Variants in BTBD16 observed in about 807,000 individuals in gnomAD.
BTBD16 encodes the protein BTB domain containing 16.
In BTBD16, 66 loss-of-function variants were observed where a neutral mutation model predicts 67.4. The observed-to-expected ratio is 0.98, with a 90% CI of 0.80 to 1.20. The LOEUF is 1.20. BTBD16 is among the 50% of genes most tolerant of loss of function. The pLI, the probability that BTBD16 is intolerant of heterozygous loss-of-function variation, is 0.00. For missense variants in BTBD16, 634 were observed against 616.0 expected (o/e 1.03, Z -0.31); for synonymous variants, 242 against 236.4 (o/e 1.02, Z -0.22).
At chr10:122,278,001 G>A (rs1046867039) in intron 3 of BTBD16, among the ~76,000 whole-genome samples, 8 of 152,200 alleles carry the variant, frequency 5.3e-5, no homozygotes, top group Non-Finnish European at 1.2e-4. Context: ...GACAGCACCT[G>A]GCACAGAAGA....
intron 14 of BTBD16, among the ~76,000 whole-genome samples, chr10:122,335,487 A>G (rs978972347): frequency 2.0e-5 from 3 of 152,218 alleles, no homozygotes; most frequent in Non-Finnish European, 4.4e-5. Context: ...TTAGGAGTGG[A>G]GAGTCCGCAG....
At chr10:122,297,311 A>T (rs2096385165) in intron 7 of BTBD16, among the ~76,000 whole-genome samples, 1 of 152,160 alleles carries the variant, frequency 6.6e-6, no homozygotes, top group African/African-American at 2.4e-5. Context: ...CCTAGTCATG[A>T]GCTCGCAGAG....
intron 9 of BTBD16, among the ~76,000 whole-genome samples, chr10:122,303,210 T>G (rs933108778): frequency 3.9e-5 from 6 of 152,306 alleles, no homozygotes; most frequent in African/African-American, 1.4e-4. Context: ...TCCCATTCCC[T>G]TCCTCATTTC....
intron 10 of BTBD16, among the ~76,000 whole-genome samples, chr10:122,318,115 C>G (rs2096429296): frequency 6.6e-6 from 1 of 152,102 alleles, no homozygotes; most frequent in African/African-American, 2.4e-5. Context: ...CTTTTTCAGT[C>G]CTGTCTTTTC....
chr10:122,309,115 T>A (rs1346647742), intron 10 of BTBD16, among the ~76,000 whole-genome samples: 1 of 152,070 alleles, frequency 6.6e-6, no homozygotes, highest in African/African-American at 2.4e-5. Context: ...GGACTGTGAG[T>A]CTCTGTCAGA....
At chr10:122,308,724 C>T (rs1485584187) in intron 10 of BTBD16, among the ~76,000 whole-genome samples, 3 of 152,188 alleles carry the variant, frequency 2.0e-5, no homozygotes, top group African/African-American at 7.2e-5. Context: ...TCCAGGCCCA[C>T]TCTGTCATCA....
intron 10 of BTBD16, among the ~76,000 whole-genome samples, chr10:122,317,017 G>T (rs1001302481): frequency 6.6e-6 from 1 of 152,068 alleles, no homozygotes; most frequent in African/African-American, 2.4e-5. Context: ...TCAAACTCCC[G>T]ACCTCAGGTG....
intron 9 of BTBD16, among the ~76,000 whole-genome samples, chr10:122,300,023 C>T (rs1590067845): frequency 6.6e-6 from 1 of 152,212 alleles, no homozygotes; most frequent in Non-Finnish European, 1.5e-5. Context: ...CTGTCCCCTG[C>T]CAGGCTCCTT....
At chr10:122,326,833 T>A (rs529706514) in intron 10 of BTBD16, among the ~76,000 whole-genome samples, 1 of 152,174 alleles carries the variant, frequency 6.6e-6, no homozygotes, top group African/African-American at 2.4e-5. Context: ...CGCCTGAAGG[T>A]GTCTCAAAAA....
In BTBD16 at chr10:122,286,134, T is replaced by C. The variant is rs1462405466; in HGVS notation, c.271T>C (p.Trp91Arg). The C allele has an allele frequency of 6.2e-7, 1 of 1,613,744 alleles. No individual in the cohort carries two copies. Among genetic ancestry groups the C allele is most frequent in the Non-Finnish European group, 8.5e-7 (1 of 1,179,804 alleles). The stretch of plus-strand genomic sequence containing the variant: ...GATTCTCGAGTGCCTGGGCTTCAAA[T>C]GGGAGCTCCATCAGCCCCAGCTTTT... ...DVILECLGFK[W>R]ELHQPQLFQS... The change falls in exon 5 of 16, where the codon TGG becomes CGG. Residue 91 changes from tryptophan to arginine, a missense_variant. Trp to Arg is a moderately radical substitution (Grantham distance 101). Transcript: ENST00000260723.
chr10:122,294,951 G>A (rs978000384), intron 7 of BTBD16, among the ~76,000 whole-genome samples: 18 of 152,384 alleles, frequency 1.2e-4, no homozygotes, highest in African/African-American at 3.8e-4. Flanking sequence ...TCCTGGACCC[G>A]ATGAGGGTGG....
chr10:122,303,652 C>T (rs956716674), intron 9 of BTBD16: 2 of 869,376 alleles, frequency 2.3e-6, no homozygotes, highest in Non-Finnish European at 2.8e-6. Flanking sequence ...ATAATTTTCT[C>T]AGTGAAAAAT....
chr10:122,271,694 C>G (rs991476588), intron 1 of BTBD16, among the ~76,000 whole-genome samples, 180 bp downstream of exon 1: 4 of 152,116 alleles, frequency 2.6e-5, no homozygotes, highest in African/African-American at 9.7e-5. Flanking sequence ...TTGTAGGTAG[C>G]TCCTGCCCGC....
At chr10:122,313,773 G>C (rs926525365) in intron 10 of BTBD16, among the ~76,000 whole-genome samples, 13 of 152,172 alleles carry the variant, frequency 8.5e-5, no homozygotes, top group African/African-American at 2.9e-4. Flanking sequence ...TTACTGGAAA[G>C]GCCATGCTTT....
At chr10:122,329,704 G>A (rs2133316526) in intron 11 of BTBD16, 133 bp downstream of exon 11, 3 of 711,604 alleles carry the variant, frequency 4.2e-6, no homozygotes, top group South Asian at 3.6e-5. Flanking sequence ...TCACTTCCAA[G>A]CTGTGTGACT....
intron 1 of BTBD16, among the ~76,000 whole-genome samples, chr10:122,272,332 G>A (rs1427012772): frequency 3.9e-5 from 6 of 152,030 alleles, no homozygotes; most frequent in African/African-American, 7.2e-5. Context: ...ACCCAGACAC[G>A]TTTCTTTTTC....
chr10:122,283,090 C>T (rs1292646977), intron 3 of BTBD16, among the ~76,000 whole-genome samples: 2 of 152,156 alleles, frequency 1.3e-5, no homozygotes, highest in Non-Finnish European at 2.9e-5. Context: ...TTGGGCTTTC[C>T]CCCAAGAGCA....
intron 1 of BTBD16, among the ~76,000 whole-genome samples, chr10:122,272,601 A>G (rs1183703405): frequency 6.6e-6 from 1 of 152,136 alleles, no homozygotes; most frequent in Non-Finnish European, 1.5e-5. Context: ...TTGGCCTCCC[A>G]AAGTGCTGGG....
intron 3 of BTBD16, among the ~76,000 whole-genome samples, chr10:122,280,373 G>A (rs2096350282): frequency 2.0e-5 from 3 of 152,054 alleles, no homozygotes; most frequent in Admixed American, 2.0e-4. Context: ...CCAGACTGGG[G>A]AGGGGGCACC....
Sources: allele counts gnomAD v4.1 joint callset (sites outside exome capture counted in the v4.1 genomes callset), GRCh38; gene constraint gnomAD v4.1.1; transcripts MANE v1.5; gene names NCBI Gene and HGNC (gene_info 2026-07-23, HGNC 2026-07-21).